Variants in CFAP299 observed in about 807,000 individuals in gnomAD.
CFAP299 encodes cilia- and flagella-associated protein 299.
In CFAP299, 21 loss-of-function variants were observed where a neutral mutation model predicts 27.0. That is an observed-to-expected ratio of 0.78 (90% CI 0.55 to 1.12). CFAP299 has a LOEUF of 1.12. CFAP299 is among the 50% of genes most tolerant of loss of function. The pLI is 0.00. For synonymous variants in CFAP299, 104 were observed against 98.1 expected, an observed-to-expected ratio of 1.06 and a Z score of -0.36; for missense variants, 310 against 276.6, an observed-to-expected ratio of 1.12 and a Z score of -0.86.
At chr4:80,458,881 T>C (rs1729301295) in intron 2 of CFAP299, among the ~76,000 whole-genome samples, 1 of 152,192 alleles carries the variant, frequency 6.6e-6, no homozygotes, top group Admixed American at 6.5e-5. Context: ...TAGGCCCTCC[T>C]GGGATTGAAC....
chr4:80,795,219 C>G (rs1727786730), intron 3 of CFAP299, among the ~76,000 whole-genome samples: 1 of 152,214 alleles, frequency 6.6e-6, no homozygotes, highest in African/African-American at 2.4e-5. Flanking sequence ...CTCCAAATTT[C>G]TTTGTCATCA....
intron 4 of CFAP299, among the ~76,000 whole-genome samples, chr4:80,901,315 G>T (rs560421758): frequency 6.6e-6 from 1 of 152,066 alleles, no homozygotes; most frequent in Non-Finnish European, 1.5e-5. Context: ...ATCCATTACT[G>T]TATCAACAGG....
intron 2 of CFAP299, among the ~76,000 whole-genome samples, chr4:80,540,386 G>A (rs753755474): frequency 2.9e-4 from 44 of 152,254 alleles, no homozygotes; most frequent in Middle Eastern, 3.4e-3. Flanking sequence ...GTTTGATGAA[G>A]TAAAGAAATT....
rs886156357 is a variant in CFAP299 at position 80,866,059 on chromosome 4, T to TTTTATATATATATATATATATA, written c.334-3933_334-3932insTTATATATATATATATATATAT. On this transcript the variant is annotated intron_variant, in intron 3 of 5. Coordinates refer to ENST00000358105, the MANE Select transcript of CFAP299 (RefSeq NM_152770.3). ...CTTGTGCACCGTAGAACTTAAAGTA[T>TTTTATATATATATATATATATA]TATATATATATATATATATATATAT... Among the ~76,000 whole-genome samples, 14 of 58,384 alleles carry TTTTATATATATATATATATATA rather than the reference T, an allele frequency of 2.4e-4. 1 individual carries two copies. The highest frequency in any genetic ancestry group is 4.6e-4 in the African/African-American group (12 of 26,162). The allele number at this position is 58,384 out of a possible 152,430, so 38.3% of individuals were successfully genotyped here. A position where few individuals can be genotyped will look rare whatever the true frequency, so the allele number is the denominator to read the frequency against.
chr4:80,335,997 G>A (rs1334230728), intron 1 of CFAP299, 118 bp downstream of exon 1: 3 of 676,670 alleles, frequency 4.4e-6, no homozygotes, highest in Non-Finnish European at 7.8e-6. Flanking sequence ...CAGGCGCCGC[G>A]GTTTCGGGAC....
chr4:80,365,392 T>G (rs1254615398), intron 2 of CFAP299, among the ~76,000 whole-genome samples: 2 of 152,224 alleles, frequency 1.3e-5, no homozygotes, highest in East Asian at 3.8e-4. Flanking sequence ...ATGTATGTCT[T>G]CTTTTGAAAA....
intron 2 of CFAP299, chr4:80,386,346 G>A (rs778693546): frequency 2.9e-5 from 41 of 1,398,840 alleles, no homozygotes; most frequent in Non-Finnish European, 3.7e-5. Context: ...GGAAAGCTCC[G>A]CGTTCAGCTC....
chr4:80,914,100 A>G (rs571079947), intron 4 of CFAP299, among the ~76,000 whole-genome samples: 2 of 152,308 alleles, frequency 1.3e-5, no homozygotes, highest in Admixed American at 1.3e-4. Flanking sequence ...TCACCAGTCT[A>G]TGGACATTTG....
At chr4:80,925,145 A>AG (rs1736244201) in intron 4 of CFAP299, among the ~76,000 whole-genome samples, 2 of 151,892 alleles carry the variant, frequency 1.3e-5, no homozygotes, top group Admixed American at 6.6e-5. Flanking sequence ...TATGTCCCTC[A>AG]ATATGTGCCA....
At chr4:80,909,662 T>C (rs959840982) in intron 4 of CFAP299, among the ~76,000 whole-genome samples, 2 of 151,974 alleles carry the variant, frequency 1.3e-5, no homozygotes, top group African/African-American at 4.8e-5. Context: ...GACTTCCTTT[T>C]ATAAACTTTA....
At chr4:80,935,827 G>GTTC (rs1456734750) in intron 4 of CFAP299, among the ~76,000 whole-genome samples, 1 of 151,848 alleles carries the variant, frequency 6.6e-6, no homozygotes, top group Non-Finnish European at 1.5e-5. Flanking sequence ...TCTGACAAAG[G>GTTC]TTCTATCCAT....
At chr4:80,688,416 C>CA (rs1325869034) in intron 3 of CFAP299, among the ~76,000 whole-genome samples, 1 of 24,214 alleles carries the variant, frequency 4.1e-5, no homozygotes, top group Non-Finnish European at 7.1e-5. Context: ...GGAGGCACCC[C>CA]CCAGCAGGGG....
chr4:80,633,289 A>C (rs1038113896), intron 3 of CFAP299, among the ~76,000 whole-genome samples: 15 of 152,148 alleles, frequency 9.9e-5, no homozygotes, highest in Non-Finnish European at 4.4e-5. Flanking sequence ...TCTACTAAAA[A>C]TACAAAATTA....
intron 3 of CFAP299, among the ~76,000 whole-genome samples, chr4:80,698,058 T>G (rs1721225700): frequency 6.6e-6 from 1 of 152,136 alleles, no homozygotes; most frequent in Non-Finnish European, 1.5e-5. Flanking sequence ...CAGTGTTATA[T>G]CTGAATGATG....
At chr4:80,870,733 T>C in intron 4 of CFAP299, 2 of 985,454 alleles carry the variant, frequency 2.0e-6, no homozygotes, top group Non-Finnish European at 2.4e-6. Flanking sequence ...TTATTCCCTC[T>C]TACTTAACTA....
At chr4:80,761,013 A>G (rs2110077766) in intron 3 of CFAP299, among the ~76,000 whole-genome samples, 1 of 152,264 alleles carries the variant, frequency 6.6e-6, no homozygotes, top group Admixed American at 6.5e-5. Context: ...TCATTGATGA[A>G]CAAATTACTC....
chr4:80,644,537 C>T (rs1560674260), intron 3 of CFAP299, among the ~76,000 whole-genome samples: 1 of 152,160 alleles, frequency 6.6e-6, no homozygotes, highest in Non-Finnish European at 1.5e-5. Flanking sequence ...CTTTGCACGT[C>T]GTGGACTTTT....
intron 4 of CFAP299, among the ~76,000 whole-genome samples, chr4:80,877,373 C>G (rs547258076): frequency 6.6e-6 from 1 of 152,308 alleles, no homozygotes; most frequent in East Asian, 1.9e-4. Flanking sequence ...AACCCATAAA[C>G]TAGGACTAAC....
chr4:80,687,383 C>G (rs1720274109), intron 3 of CFAP299, among the ~76,000 whole-genome samples: 1 of 152,180 alleles, frequency 6.6e-6, no homozygotes, highest in East Asian at 1.9e-4. Flanking sequence ...ATCTTAATGT[C>G]CTCATTTTAT....
Sources: gnomAD v4.1 joint callset for allele counts (sites outside exome capture counted in the v4.1 genomes callset) on GRCh38, gnomAD v4.1.1 for gene constraint, MANE v1.5 for transcripts, NCBI Gene and HGNC (gene_info 2026-07-23, HGNC 2026-07-21) for gene names.